The following YBX1 variants were observed in gnomAD, a reference collection of about 807,000 sequenced individuals.
YBX1 encodes Y-box-binding protein 1.
YBX1 carries 3 observed loss-of-function variants against 41.4 expected under a neutral mutation model. That is an observed-to-expected ratio of 0.07 (90% CI 0.03 to 0.19). The LOEUF is 0.19. Ranked by LOEUF, YBX1 falls within the 10% of genes least tolerant of loss-of-function variation. YBX1 has a pLI of 1.00. For synonymous variants in YBX1, 133 were observed against 165.8 expected, an observed-to-expected ratio of 0.80 and a Z score of 1.52; for missense variants, 274 against 462.8, an observed-to-expected ratio of 0.59 and a Z score of 3.74.
chr1:42,699,382 C>T (rs1557535328), intron 6 of YBX1, among the ~76,000 whole-genome samples: 1 of 152,114 alleles, frequency 6.6e-6, no homozygotes, highest in Admixed American at 6.6e-5. Flanking sequence ...AATAGGATAA[C>T]GATCATAAAT....
At chr1:42,698,913 C>G (rs934356433) in intron 6 of YBX1, among the ~76,000 whole-genome samples, 1 of 152,070 alleles carries the variant, frequency 6.6e-6, no homozygotes, top group African/African-American at 2.4e-5. Flanking sequence ...ACATGCTGCC[C>G]CTAATGCATG....
At chr1:42,697,952 T>C (rs942687943) in intron 6 of YBX1, among the ~76,000 whole-genome samples, 1 of 152,160 alleles carries the variant, frequency 6.6e-6, no homozygotes. Context: ...CTCTAAGGGT[T>C]TGATATCAAA....
chr1:42,700,431 T>C (rs1650565975), intron 6 of YBX1, among the ~76,000 whole-genome samples: 1 of 151,866 alleles, frequency 6.6e-6, no homozygotes, highest in South Asian at 2.1e-4. Flanking sequence ...TAGCAACACA[T>C]CGCTACTAAA....
chr1:42,696,520 C>A lies in YBX1; in HGVS notation c.355-122C>A, dbSNP rs1376431306. 6.8e-6 allele frequency: 5 copies of A among 735,738 alleles called. 1 individual carries two copies. The South Asian group carries it at 1.2e-4, about 18-fold the overall frequency. The allele number at this position is 735,738 out of a possible 1,614,324, so 45.6% of individuals were successfully genotyped here. A position where few individuals can be genotyped will look rare whatever the true frequency, so the allele number is the denominator to read the frequency against. On this transcript the variant is annotated intron_variant, in intron 4 of 7. Coordinates refer to ENST00000321358, the MANE Select transcript of YBX1 (RefSeq NM_004559.5). The surrounding 1 kb of genome is among the most constrained non-coding windows in gnomAD (Gnocchi z 5.7). ...CTGGTCACGCAGTTGCGCCCCCCCC[C>A]CCTTTTTTTTCCTTAACTTTGTTGT...
chr1:42,688,966 C>A (rs1318712431), intron 2 of YBX1, among the ~76,000 whole-genome samples: 1 of 152,170 alleles, frequency 6.6e-6, no homozygotes, highest in African/African-American at 2.4e-5. Flanking sequence ...GTAAGGCTTT[C>A]CAGTCACGAG....
At chr1:42,684,725 AT>A (rs1399484723) in intron 2 of YBX1, among the ~76,000 whole-genome samples, 1 of 152,168 alleles carries the variant, frequency 6.6e-6, no homozygotes, top group African/African-American at 2.4e-5. Flanking sequence ...TTTTTCATTA[AT>A]TTTTTGATAA....
At chr1:42,683,213 C>T in intron 1 of YBX1, 190 bp from the exon 2 acceptor site, 1 of 723,966 alleles carries the variant, frequency 1.4e-6, no homozygotes, top group South Asian at 1.5e-5. Flanking sequence ...CTGGAGCGCC[C>T]CGCGCTTCAG....
rs1650487594 is a variant in YBX1 at position 42,697,362 on chromosome 1, A to G, written c.740+100A>G. ...CCTGCAGACTCATTTTTCTGTTAAC[A>G]CTTCACGTTTTCTTTCATCAGATGC... is the stretch of plus-strand genomic sequence containing the variant. On this transcript the variant is annotated intron_variant, in intron 6 of 7. Coordinates refer to ENST00000321358, the MANE Select transcript of YBX1 (RefSeq NM_004559.5). The G allele has an allele frequency of 2.6e-6, 3 of 1,167,868 alleles. No homozygotes were observed. In the South Asian group the frequency reaches 4.7e-5, roughly 18 times the overall value. The allele number at this position is 1,167,868 out of a possible 1,614,324, so 72.3% of individuals were successfully genotyped here.
chr1:42,683,186 C>T (rs1489833107), intron 1 of YBX1: 1 of 665,404 alleles, frequency 1.5e-6, no homozygotes, highest in South Asian at 1.6e-5. Flanking sequence ...TCCTGGGGCC[C>T]GCGCCCCGGG....
intron 6 of YBX1, among the ~76,000 whole-genome samples, chr1:42,697,905 C>T (rs539699993): frequency 6.6e-6 from 1 of 152,186 alleles, no homozygotes; most frequent in South Asian, 2.1e-4. Flanking sequence ...TGTTCCCAGT[C>T]CCACGGTGGT....
Position 42,682,530 on chromosome 1 carries a change from C to A in YBX1, c.-36C>A. The A allele has an allele frequency of 1.4e-6, 2 of 1,437,750 alleles. No homozygotes were observed. Among genetic ancestry groups the A allele is most frequent in the Non-Finnish European group, 1.8e-6 (2 of 1,100,392 alleles). The allele number at this position is 1,437,750 out of a possible 1,614,324, so 89.1% of individuals were successfully genotyped here. A position where few individuals can be genotyped will look rare whatever the true frequency, so the allele number is the denominator to read the frequency against. On this transcript the variant is annotated 5_prime_UTR_variant, in exon 1 of 8. The change creates a new upstream start codon in the 5' untranslated region. Coordinates refer to ENST00000321358, the MANE Select transcript of YBX1 (RefSeq NM_004559.5). ...CATCACACCCCGGGAGGAGCCGCAGCTGCCGCAGCCGGCCCCAGTCACCAT... is the reference window on the plus strand; with the variant it reads ...CATCACACCCCGGGAGGAGCCGCAGATGCCGCAGCCGGCCCCAGTCACCAT...
chr1:42,695,686 T>C (rs1220661465), intron 3 of YBX1, among the ~76,000 whole-genome samples: 2 of 152,242 alleles, frequency 1.3e-5, no homozygotes, highest in African/African-American at 4.8e-5. Context: ...TGAATTGCAT[T>C]TCCACTGATG....
rs764491771 is a variant in YBX1, at chr1:42,683,517, G to T, written c.230+51G>T. On this transcript the variant is annotated intron_variant, in intron 2 of 7. Transcript: ENST00000321358. Reference sequence around the variant, plus strand: ...CATCCCACCTTCTTGCTTGCTTCCTGCTCTGTCGGCTTCTCGGGGCTTGGG... The same window carrying T: ...CATCCCACCTTCTTGCTTGCTTCCTTCTCTGTCGGCTTCTCGGGGCTTGGG... 4.4e-6 allele frequency: 7 copies of T among 1,605,846 alleles called. No homozygotes were observed. In the African/African-American group the frequency reaches 8.0e-5, roughly 18 times the overall value.
At chr1:42,694,379 A>G (rs1413990913) in intron 3 of YBX1, among the ~76,000 whole-genome samples, 1 of 149,850 alleles carries the variant, frequency 6.7e-6, no homozygotes, top group Non-Finnish European at 1.5e-5. Context: ...CAGATACGAA[A>G]TGAGTAGGAA....
intron 1 of YBX1, chr1:42,683,060 C>T (rs1650088082): frequency 2.2e-6 from 1 of 460,378 alleles, no homozygotes; most frequent in Non-Finnish European, 4.1e-6. Context: ...GTTCGCGTCA[C>T]CCCCACCCAG....
At chr1:42,694,221 A>G (rs1028940668) in intron 3 of YBX1, among the ~76,000 whole-genome samples, 1 of 152,170 alleles carries the variant, frequency 6.6e-6, no homozygotes, top group Non-Finnish European at 1.5e-5. Flanking sequence ...TGAGTACTGC[A>G]TAGTGAACTT....
rs1482122084 is a variant in YBX1, at chr1:42,703,532, C to T, written c.*1583C>T. ...TATCTGTACTGCAGAAGTGAGTTAG[C>T]CTATTTCTTGCTGGTGTTCATGAAA... On this transcript the variant is annotated 3_prime_UTR_variant, in exon 8 of 8. Coordinates refer to ENST00000321358, the MANE Select transcript of YBX1 (RefSeq NM_004559.5). Among the ~76,000 whole-genome samples the T allele has an allele frequency of 6.6e-6, 1 of 152,016 alleles. No homozygotes were observed. Among genetic ancestry groups the T allele is most frequent in the Non-Finnish European group, 1.5e-5 (1 of 68,022 alleles).
At chr1:42,683,144 T>C in intron 1 of YBX1, 1 of 635,528 alleles carries the variant, frequency 1.6e-6, no homozygotes, top group South Asian at 1.6e-5. Flanking sequence ...TTCCCTCACG[T>C]GCTCTCCGTC....
chr1:42,691,729 G>T (rs892368594), intron 2 of YBX1, among the ~76,000 whole-genome samples: 7 of 152,100 alleles, frequency 4.6e-5, no homozygotes, highest in African/African-American at 1.4e-4. Flanking sequence ...AAACAGTACA[G>T]AAATACATAC....
Sources: gnomAD v4.1 joint callset for allele counts (sites outside exome capture counted in the v4.1 genomes callset) on GRCh38, gnomAD v4.1.1 for gene constraint, Gnocchi (gnomAD v3.1) non-coding constraint, MANE v1.5 for transcripts, NCBI Gene and HGNC (gene_info 2026-07-23, HGNC 2026-07-21) for gene names.